The following NOL4L variants were observed in gnomAD, a reference collection of about 807,000 sequenced individuals.
NOL4L encodes nucleolar protein 4 like, also known as nucleolar protein 4-like.
Under a neutral mutation model 64.5 loss-of-function variants are expected in NOL4L, and 7 were observed. The observed-to-expected ratio is 0.11, with a 90% CI of 0.06 to 0.20. NOL4L has a LOEUF of 0.20. Among genes scored for constraint, NOL4L ranks in the 10% least tolerant of loss-of-function variants. The pLI is 1.00. For missense variants in NOL4L, 680 were observed against 967.1 expected, an observed-to-expected ratio of 0.70 and a Z score of 3.94; for synonymous variants, 413 against 401.0, an observed-to-expected ratio of 1.03 and a Z score of -0.36.
intron 5 of NOL4L, among the ~76,000 whole-genome samples, chr20:32,461,151 G>A (rs991179513): frequency 4.6e-5 from 7 of 152,212 alleles, no homozygotes; most frequent in Non-Finnish European, 1.0e-4. Flanking sequence ...TTTGATGCCG[G>A]CTGCAGCCGC....
intron 4 of NOL4L, among the ~76,000 whole-genome samples, chr20:32,495,169 C>T (rs2016637813): frequency 6.6e-6 from 1 of 152,254 alleles, no homozygotes; most frequent in South Asian, 2.1e-4. Context: ...ACGGCTGCAG[C>T]ACAAGTGTGC....
intron 4 of NOL4L, among the ~76,000 whole-genome samples, chr20:32,502,157 A>G (rs1010526074): frequency 1.3e-5 from 2 of 152,228 alleles, no homozygotes; most frequent in African/African-American, 4.8e-5. Flanking sequence ...CTTATAGTAT[A>G]AGCAGGTTAT....
At chr20:32,578,930 G>A (rs2145626275) in intron 1 of NOL4L, among the ~76,000 whole-genome samples, 1 of 152,348 alleles carries the variant, frequency 6.6e-6, no homozygotes, top group East Asian at 1.9e-4. Flanking sequence ...GCAGTGGGAA[G>A]CTGGAACAAG....
chr20:32,527,149 G>A (rs1237570482), intron 2 of NOL4L, among the ~76,000 whole-genome samples: 1 of 152,128 alleles, frequency 6.6e-6, no homozygotes, highest in African/African-American at 2.4e-5. Context: ...CCTGAGCCTG[G>A]GTTCTTGCTC....
At chr20:32,546,957 A>G (rs2018741278) in intron 1 of NOL4L, among the ~76,000 whole-genome samples, 1 of 152,242 alleles carries the variant, frequency 6.6e-6, no homozygotes. Flanking sequence ...GTGATGAATG[A>G]GTCCTCCTGG....
In NOL4L at chr20:32,453,682, C is replaced by G; in HGVS notation, c.1199G>C (p.Arg400Pro). Residue 400 changes from arginine to proline, a missense_variant, in exon 7 of 11, where the codon CGG (arginine) becomes CCG (proline). Transcript: ENST00000621426. The surrounding 1 kb of genome is among the most constrained non-coding windows in gnomAD (Gnocchi z 5.6). The part of the protein sequence containing the change: ...SGCPEDLTVG[R>P]APTADDDDDD... Reference sequence around the variant, plus strand: ...GTCGTCATCATCTGCCGTCGGGGCCCGGCCCACTGTCAGGTCCTCAGGGCA... The same window carrying G: ...GTCGTCATCATCTGCCGTCGGGGCCGGGCCCACTGTCAGGTCCTCAGGGCA... The G allele has an allele frequency of 6.4e-7, 1 of 1,570,616 alleles. No homozygotes were observed. Among genetic ancestry groups the G allele is most frequent in the Non-Finnish European group, 8.6e-7 (1 of 1,157,838 alleles).
chr20:32,558,650 G>A (rs558944561), intron 1 of NOL4L, among the ~76,000 whole-genome samples: 1 of 152,362 alleles, frequency 6.6e-6, no homozygotes, highest in African/African-American at 2.4e-5. Flanking sequence ...TGCACCAGCA[G>A]GTGGAGGATC....
chr20:32,454,329 G>A (rs1016176225), intron 6 of NOL4L, among the ~76,000 whole-genome samples: 4 of 152,208 alleles, frequency 2.6e-5, no homozygotes, highest in African/African-American at 4.8e-5. Flanking sequence ...ATGCGTTCCC[G>A]CAGCTCCTGA....
At chr20:32,530,144 T>G (rs1246311537) in intron 1 of NOL4L, among the ~76,000 whole-genome samples, 2 of 152,180 alleles carry the variant, frequency 1.3e-5, no homozygotes, top group Non-Finnish European at 1.5e-5. Context: ...TTTAAAAAAT[T>G]TTTTACTCAG....
At chr20:32,495,834 G>A (rs2016666906) in intron 4 of NOL4L, among the ~76,000 whole-genome samples, 1 of 152,036 alleles carries the variant, frequency 6.6e-6, no homozygotes, top group African/African-American at 2.4e-5. Context: ...TTGAGCACCT[G>A]TGGTCCCAGC....
intron 1 of NOL4L, among the ~76,000 whole-genome samples, chr20:32,528,312 C>CAGT (rs1402713379): frequency 1.3e-5 from 2 of 152,170 alleles, no homozygotes; most frequent in Non-Finnish European, 2.9e-5. Context: ...CGCCAATTAG[C>CAGT]AGTAACCTTT....
Position 32,545,710 on chromosome 20 carries a change from G to C in NOL4L, c.322-17797C>G, listed in dbSNP as rs192046002. 1.6e-3 allele frequency among the ~76,000 whole-genome samples: 250 copies of C among 152,304 alleles called. 2 individuals are homozygous for C. The highest frequency in any genetic ancestry group is 5.8e-3 in the African/African-American group (242 of 41,566). ...TCCCATCCATCAGCAAGTTCTGTTG[G>C]CTCCACCTTTAAACTATATCCAGAA... On this transcript the variant is annotated intron_variant, in intron 1 of 10. Transcript: ENST00000621426.
chr20:32,569,965 C>T (rs919188383), intron 1 of NOL4L, among the ~76,000 whole-genome samples: 4 of 152,178 alleles, frequency 2.6e-5, no homozygotes, highest in Non-Finnish European at 5.9e-5. Flanking sequence ...TTGTGTTAGT[C>T]TGAGTTCCTT....
Position 32,584,798 on chromosome 20 carries a change from G to A in NOL4L, c.93C>T (p.Cys31=), listed in dbSNP as rs1202974903. The change falls in exon 1 of 11, where the codon TGC becomes TGT. Residue 31 remains cysteine, a synonymous_variant. Transcript: ENST00000621426. ...SELGRQFRDW[C]LRTYGDSAKT... ...TGGCCGAGTCGCCGTAGGTGCGCAA[G>A]CACCAGTCCCGGAACTGGCGGCCCA... 2.3e-5 allele frequency: 36 copies of A among 1,535,532 alleles called. No individual in the cohort carries two copies. Among genetic ancestry groups the A allele is most frequent in the Non-Finnish European group, 3.1e-5 (36 of 1,143,952 alleles).
At chr20:32,554,395 G>A (rs183330055) in intron 1 of NOL4L, among the ~76,000 whole-genome samples, 3 of 151,750 alleles carry the variant, frequency 2.0e-5, no homozygotes, top group African/African-American at 7.3e-5. Context: ...AGGTGAAGGC[G>A]CTTGTCACAG....
chr20:32,490,988 G>A (rs745661499), intron 4 of NOL4L, among the ~76,000 whole-genome samples: 30 of 152,146 alleles, frequency 2.0e-4, no homozygotes, highest in African/African-American at 7.0e-4. Flanking sequence ...ACCCATGTGC[G>A]ACCCCTCCAT....
At chr20:32,497,417 G>C (rs957262801) in intron 4 of NOL4L, among the ~76,000 whole-genome samples, 3 of 152,190 alleles carry the variant, frequency 2.0e-5, no homozygotes, top group African/African-American at 7.2e-5. Context: ...AGCTGCCTGA[G>C]TTTCAGTGCC....
intron 4 of NOL4L, among the ~76,000 whole-genome samples, chr20:32,499,476 T>A (rs2016830748): frequency 1.3e-5 from 2 of 152,236 alleles, no homozygotes; most frequent in African/African-American, 4.8e-5. Flanking sequence ...TGGTGGCTCA[T>A]GCCTGTAATC....
intron 4 of NOL4L, among the ~76,000 whole-genome samples, chr20:32,495,495 G>A (rs1278898408): frequency 2.0e-5 from 3 of 152,324 alleles, no homozygotes; most frequent in South Asian, 2.1e-4. Flanking sequence ...TCTGGGCTCC[G>A]TGCCCAGCAT....
Sources: gnomAD v4.1 joint callset for allele counts (sites outside exome capture counted in the v4.1 genomes callset) on GRCh38, gnomAD v4.1.1 for gene constraint, Gnocchi (gnomAD v3.1) non-coding constraint, MANE v1.5 for transcripts, NCBI Gene and HGNC (gene_info 2026-07-23, HGNC 2026-07-21) for gene names.